NGEF: variants seen among roughly 807,000 people sequenced by gnomAD.
NGEF encodes neuronal guanine nucleotide exchange factor, also known as ephexin-1.
NGEF carries 31 observed loss-of-function variants against 80.9 expected under a neutral mutation model. The ratio of observed to expected loss-of-function variants is 0.38; its 90% CI spans 0.29 to 0.52. The LOEUF (loss-of-function observed/expected upper bound fraction) is 0.52, where lower values mean the gene tolerates loss of function less well. NGEF is among the 20% of genes least tolerant of loss of function. The pLI is 0.84. For synonymous variants in NGEF, 371 were observed against 370.2 expected, an observed-to-expected ratio of 1.00 and a Z score of -0.03; for missense variants, 709 against 926.2, an observed-to-expected ratio of 0.77 and a Z score of 3.04.
intron 3 of NGEF, among the ~76,000 whole-genome samples, chr2:232,930,815 C>T (rs1332715696): frequency 6.6e-6 from 1 of 152,176 alleles, no homozygotes; most frequent in East Asian, 1.9e-4. Flanking sequence ...CCACCCTGGT[C>T]CCCCAAAAGT....
At chr2:232,944,229 G>A (rs13421872) in intron 3 of NGEF, among the ~76,000 whole-genome samples, 10,638 of 151,904 alleles carry the variant, frequency 0.07, 600 homozygotes, top group African/African-American at 0.16. Context: ...GCAAAACTCC[G>A]TCTGGGAAAA....
intron 3 of NGEF, among the ~76,000 whole-genome samples, chr2:232,944,762 T>TATATATAC (rs1693520190): frequency 7.3e-6 from 1 of 136,436 alleles, no homozygotes; most frequent in Non-Finnish European, 1.6e-5. Flanking sequence ...TATATATATA[T>TATATATAC]CTTTTTGGAG....
rs1049409069 is a variant in NGEF, at chr2:232,892,109, C to T, written c.1143-622G>A. ...GGTGCTGTGAATGATTCCTAATCTG[C>T]CACATGCTTGCCTTCTCAATGTTTA... On this transcript the variant is annotated intron_variant, in intron 7 of 14. Transcript: ENST00000264051. This position sits in a 1 kb window ranked among gnomAD's most constrained non-coding sequence, Gnocchi z 4.0. Among the ~76,000 whole-genome samples the T allele has an allele frequency of 6.6e-6, 1 of 152,150 alleles. No homozygotes were observed. Among genetic ancestry groups the T allele is most frequent in the Non-Finnish European group, 1.5e-5 (1 of 68,030 alleles).
At chr2:232,914,225 C>T (rs1177504762) in intron 5 of NGEF, among the ~76,000 whole-genome samples, 1 of 152,198 alleles carries the variant, frequency 6.6e-6, no homozygotes, top group African/African-American at 2.4e-5. Flanking sequence ...TATTATCTGG[C>T]CCTTTAACAG....
intron 3 of NGEF, among the ~76,000 whole-genome samples, chr2:232,960,026 C>G (rs148579191): frequency 6.6e-6 from 1 of 152,322 alleles, no homozygotes; most frequent in East Asian, 1.9e-4. Flanking sequence ...GGAGGTGACT[C>G]CCACGTTTAA....
intron 1 of NGEF, among the ~76,000 whole-genome samples, chr2:232,992,735 C>A (rs1040618216): frequency 1.3e-5 from 2 of 151,486 alleles, no homozygotes; most frequent in Admixed American, 6.6e-5. Context: ...ATCTGTAATC[C>A]CAGCACTTTG....
intron 3 of NGEF, among the ~76,000 whole-genome samples, chr2:232,955,133 C>G (rs1693794567): frequency 6.6e-6 from 1 of 152,268 alleles, no homozygotes; most frequent in South Asian, 2.1e-4. Context: ...TTTTTTCCTT[C>G]AAGATATTAA....
chr2:232,955,790 A>C (rs1008473145), intron 3 of NGEF, among the ~76,000 whole-genome samples: 1 of 152,156 alleles, frequency 6.6e-6, no homozygotes, highest in Non-Finnish European at 1.5e-5. Context: ...CAGTGCTGGG[A>C]TTATAGGCGT....
chr2:232,984,052 G>C (rs1694488757), intron 1 of NGEF, among the ~76,000 whole-genome samples: 1 of 152,190 alleles, frequency 6.6e-6, no homozygotes, highest in African/African-American at 2.4e-5. Context: ...CAAATGTGAA[G>C]AGCATGCGCT....
In NGEF at chr2:233,002,018, A is replaced by G. The variant is rs1385206354; in HGVS notation, c.-75+11050T>C. On this transcript the variant is annotated intron_variant, in intron 1 of 14. Coordinates refer to ENST00000264051, the MANE Select transcript of NGEF (RefSeq NM_019850.3). ...GACTCTGTCTTAAAAAATAATAATA[A>G]TAAAATAAAAAAAAGAAAGTGAGCA... 2.0e-5 allele frequency among the ~76,000 whole-genome samples: 3 copies of G among 152,016 alleles called. No individual in the cohort carries two copies. In the East Asian group the frequency reaches 5.8e-4, roughly 29 times the overall value.
intron 1 of NGEF, among the ~76,000 whole-genome samples, chr2:232,979,080 C>CA (rs1357143936): frequency 1.3e-5 from 2 of 152,158 alleles, no homozygotes; most frequent in African/African-American, 4.8e-5. Flanking sequence ...GGCCAGGAGT[C>CA]AGGGGACCTG....
In NGEF at chr2:233,013,080, A is replaced by G; in HGVS notation, c.-87T>C. The stretch of plus-strand genomic sequence containing the variant: ...ACCATTCTCTCACCTGCCAGAGAGG[A>G]GCTCATAGGAGTTGGGCTTCCTCAG... On this transcript the variant is annotated 5_prime_UTR_variant, in exon 1 of 15. Coordinates refer to ENST00000264051, the MANE Select transcript of NGEF (RefSeq NM_019850.3). 1 of 468,576 alleles carries G rather than the reference A, an allele frequency of 2.1e-6. No homozygotes were observed. 29.0% of individuals were successfully genotyped at this position (468,576 alleles called of 1,614,324 possible).
At chr2:232,953,173 G>T (rs1480428271) in intron 3 of NGEF, among the ~76,000 whole-genome samples, 2 of 151,022 alleles carry the variant, frequency 1.3e-5, no homozygotes, top group African/African-American at 4.9e-5. Flanking sequence ...GTGGTGGCGC[G>T]TGCCTGTAAT....
At chr2:233,011,150 G>A (rs1695194616) in intron 1 of NGEF, among the ~76,000 whole-genome samples, 1 of 152,158 alleles carries the variant, frequency 6.6e-6, no homozygotes. Flanking sequence ...GGGGGTGTGG[G>A]ACACAGCATC....
intron 1 of NGEF, among the ~76,000 whole-genome samples, chr2:233,003,606 A>G (rs1201827506): frequency 6.6e-6 from 1 of 151,754 alleles, no homozygotes; most frequent in Non-Finnish European, 1.5e-5. Flanking sequence ...TACCACCCCC[A>G]CTGAAGTCCA....
chr2:232,947,356 G>A (rs550457374), intron 3 of NGEF, among the ~76,000 whole-genome samples: 1 of 152,252 alleles, frequency 6.6e-6, no homozygotes, highest in African/African-American at 2.4e-5. Flanking sequence ...GAGACACAGG[G>A]AGTGATGTGA....
chr2:232,882,790 C>T (rs1691549154), intron 12 of NGEF, among the ~76,000 whole-genome samples: 1 of 152,194 alleles, frequency 6.6e-6, no homozygotes, highest in Non-Finnish European at 1.5e-5. Flanking sequence ...GCAATCTCAG[C>T]TCACTGCAAC....
At chr2:232,888,351 AG>A (rs1420303467) in intron 8 of NGEF, among the ~76,000 whole-genome samples, 1 of 139,592 alleles carries the variant, frequency 7.2e-6, no homozygotes, top group East Asian at 2.2e-4. Flanking sequence ...CACACCTGCA[AG>A]CAGTGTGCAC....
At chr2:232,880,483 C>T (rs529101454) in intron 14 of NGEF, among the ~76,000 whole-genome samples, 17 of 152,340 alleles carry the variant, frequency 1.1e-4, no homozygotes, top group African/African-American at 2.4e-4. Flanking sequence ...AGAAGGCCTC[C>T]CCTGGAGGTC....
Sources: allele counts gnomAD v4.1 joint callset (sites outside exome capture counted in the v4.1 genomes callset), GRCh38; gene constraint gnomAD v4.1.1; non-coding constraint Gnocchi (gnomAD v3.1); transcripts MANE v1.5; gene names NCBI Gene and HGNC (gene_info 2026-07-23, HGNC 2026-07-21).